SPTBN1: variants seen among roughly 807,000 people sequenced by gnomAD.
The protein encoded by SPTBN1 is spectrin beta, non-erythrocytic 1, also known as spectrin beta chain, non-erythrocytic 1.
A neutral mutation model predicts 266.4 loss-of-function variants in SPTBN1; 32 were observed. That is an observed-to-expected ratio of 0.12 (90% confidence interval 0.09 to 0.16). The LOEUF is 0.16. Ranked by LOEUF, SPTBN1 falls within the 10% of genes least tolerant of loss-of-function variation. The pLI is 1.00. For synonymous variants in SPTBN1, 1,336 were observed against 1,162.2 expected (o/e 1.15, Z -3.04); for missense variants, 2,296 against 3,067.1 (o/e 0.75, Z 5.94).
intron 2 of SPTBN1, among the ~76,000 whole-genome samples, chr2:54,573,220 C>G (rs978240985): frequency 6.6e-6 from 1 of 152,120 alleles, no homozygotes; most frequent in Non-Finnish European, 1.5e-5. Context: ...GTAAAGCGGT[C>G]CCCAGCCTTT....
At chr2:54,469,928 T>C (rs1001864327) in intron 1 of SPTBN1, among the ~76,000 whole-genome samples, 2 of 152,218 alleles carry the variant, frequency 1.3e-5, no homozygotes, top group Non-Finnish European at 2.9e-5. Flanking sequence ...GAGATCTGCC[T>C]GCCATTTCGG....
At position 54,669,416 on chromosome 2, in the gene SPTBN1, T is replaced by C. The variant is rs1044916299; in HGVS notation, c.*847T>C. Reference sequence around the variant, plus strand: ...CTCTAATGGTTACTTGCTCGTGCGTTGCCACACTGTGTTATAATTTGCTTC... The same window carrying C: ...CTCTAATGGTTACTTGCTCGTGCGTCGCCACACTGTGTTATAATTTGCTTC... On this transcript the variant is annotated 3_prime_UTR_variant, in exon 36 of 36. Transcript: ENST00000356805. 1 of 152,698 alleles carries C rather than the reference T, an allele frequency of 6.5e-6. No homozygotes were observed. Among genetic ancestry groups the C allele is most frequent in the Non-Finnish European group, 1.5e-5 (1 of 68,054 alleles). 9.5% of individuals were successfully genotyped at this position (152,698 alleles called of 1,614,324 possible).
At chr2:54,617,491 T>C (rs1677682250) in intron 5 of SPTBN1, 117 bp from the exon 6 acceptor site, 2 of 808,440 alleles carry the variant, frequency 2.5e-6, no homozygotes. Context: ...CTTAGTGATA[T>C]TCACTGCTTT....
chr2:54,599,104 C>T lies in SPTBN1; in HGVS notation c.161C>T (p.Ala54Val). The change falls in exon 3 of 36, where the codon GCC becomes GTC. Residue 54 changes from alanine (A) to valine (V), a missense_variant. Ala to Val is a moderately conservative substitution (Grantham distance 64). Transcript: ENST00000356805. ...RIKALADERE[A>V]VQKKTFTKWV... is the part of the protein sequence containing the mutation. ...TCTCTGCTTGCAGATGAGCGTGAAG[C>T]CGTGCAGAAGAAGACCTTCACCAAG... The T allele has an allele frequency of 6.2e-7, 1 of 1,613,968 alleles. No individual in the cohort carries two copies. The highest frequency in any genetic ancestry group is 8.5e-7 in the Non-Finnish European group (1 of 1,179,946).
At chr2:54,480,484 A>G (rs1267426935) in intron 1 of SPTBN1, among the ~76,000 whole-genome samples, 1 of 152,250 alleles carries the variant, frequency 6.6e-6, no homozygotes, top group East Asian at 1.9e-4. Context: ...CTAAAAATTC[A>G]TTGTTTATCT....
chr2:54,593,054 C>T (rs190382974), intron 2 of SPTBN1, among the ~76,000 whole-genome samples: 1 of 152,312 alleles, frequency 6.6e-6, no homozygotes, highest in East Asian at 1.9e-4. Flanking sequence ...GAGGAAGGAG[C>T]ACCATACTAG....
intron 2 of SPTBN1, among the ~76,000 whole-genome samples, chr2:54,537,323 G>A (rs191930283): frequency 1.6e-4 from 24 of 152,294 alleles, no homozygotes; most frequent in African/African-American, 5.3e-4. Context: ...TCAAATGTCT[G>A]TAAGGTTGGG....
intron 1 of SPTBN1, among the ~76,000 whole-genome samples, chr2:54,475,641 C>T (rs1045969395): frequency 2.6e-5 from 4 of 152,042 alleles, no homozygotes; most frequent in Non-Finnish European, 4.4e-5. Context: ...AGCCACAGAA[C>T]GGCATTCTTA....
chr2:54,524,428 T>A (rs1670674623), intron 1 of SPTBN1, among the ~76,000 whole-genome samples: 1 of 152,050 alleles, frequency 6.6e-6, no homozygotes, highest in Non-Finnish European at 1.5e-5. Flanking sequence ...CTAGCTCAGT[T>A]TCTCAATGTC....
intron 1 of SPTBN1, among the ~76,000 whole-genome samples, chr2:54,479,863 CTT>C (rs11346229): frequency 1.3e-5 from 2 of 148,634 alleles, no homozygotes; most frequent in Admixed American, 6.7e-5. Flanking sequence ...GCAAATTTTG[CTT>C]TTTTTTTTTC....
At chr2:54,603,552 G>C (rs1412895144) in intron 3 of SPTBN1, among the ~76,000 whole-genome samples, 1 of 152,090 alleles carries the variant, frequency 6.6e-6, no homozygotes, top group Admixed American at 6.5e-5. Context: ...TTCCCATGGA[G>C]CCCTTAGGAG....
rs564142134 is a variant in SPTBN1, at chr2:54,669,842, A to G, written c.*1273A>G. Reference sequence around the variant, plus strand: ...AGCTTTGAAAACTACAGCAAACAGTAATAAATGTGACTGTTTTGTAGTTAT... The same window carrying G: ...AGCTTTGAAAACTACAGCAAACAGTGATAAATGTGACTGTTTTGTAGTTAT... On this transcript the variant is annotated 3_prime_UTR_variant, in exon 36 of 36. Transcript: ENST00000356805. 2 of 152,376 alleles carry G rather than the reference A, an allele frequency of 1.3e-5. No individual in the cohort carries two copies. Among genetic ancestry groups the G allele is most frequent in the East Asian group, 1.9e-4 (1 of 5,190 alleles). The allele number at this position is 152,376 out of a possible 1,614,324, so 9.4% of individuals were successfully genotyped here.
At chr2:54,619,309 C>CT (rs1359800216) in intron 7 of SPTBN1, among the ~76,000 whole-genome samples, 1 of 152,200 alleles carries the variant, frequency 6.6e-6, no homozygotes, top group Non-Finnish European at 1.5e-5. Flanking sequence ...AAACAGAAAA[C>CT]TAAAATTCCT....
chr2:54,609,158 A>G (rs772463563), intron 3 of SPTBN1, among the ~76,000 whole-genome samples: 15 of 152,174 alleles, frequency 9.9e-5, no homozygotes, highest in Non-Finnish European at 1.2e-4. Context: ...GAACCCTTGG[A>G]ACAAATTCAA....
intron 16 of SPTBN1, 30 bp downstream of exon 16, chr2:54,631,641 T>G (rs756848739): frequency 6.3e-7 from 1 of 1,589,826 alleles, no homozygotes; most frequent in Non-Finnish European, 8.6e-7. Flanking sequence ...TTGCTTCCTT[T>G]CGGTGAAAGC....
At chr2:54,647,944 G>A (rs1000814057) in intron 24 of SPTBN1, among the ~76,000 whole-genome samples, 4 of 152,206 alleles carry the variant, frequency 2.6e-5, no homozygotes, top group African/African-American at 9.6e-5. Context: ...GTTTAGTAAA[G>A]TAATTACTAG....
chr2:54,505,420 C>T (rs1669501048), intron 1 of SPTBN1, among the ~76,000 whole-genome samples: 1 of 152,166 alleles, frequency 6.6e-6, no homozygotes, highest in Admixed American at 6.5e-5. Flanking sequence ...ACAACAATAA[C>T]AACAACAAAT....
At chr2:54,605,161 A>G (rs769615133) in intron 3 of SPTBN1, among the ~76,000 whole-genome samples, 63 of 152,150 alleles carry the variant, frequency 4.1e-4, no homozygotes, top group Admixed American at 2.6e-4. Flanking sequence ...CATTGTGTTT[A>G]ATTCTCTATT....
rs540165540 is a variant in SPTBN1 at position 54,511,945 on chromosome 2, C to T, written c.-47-14427C>T. ...GTGGGAGCCCTGATCTTGTTTTCCT[C>T]CAATTAGATGGTCCATCGGCAGGGG... On this transcript the variant is annotated intron_variant, in intron 1 of 35. Coordinates refer to ENST00000356805, the MANE Select transcript of SPTBN1 (RefSeq NM_003128.3). Among the ~76,000 whole-genome samples, 12 of 152,310 alleles carry T rather than the reference C, an allele frequency of 7.9e-5. No individual in the cohort carries two copies. In the South Asian group the frequency reaches 2.5e-3, roughly 32 times the overall value.
Sources: allele counts gnomAD v4.1 joint callset (sites outside exome capture counted in the v4.1 genomes callset), GRCh38; gene constraint gnomAD v4.1.1; transcripts MANE v1.5; gene names NCBI Gene and HGNC (gene_info 2026-07-23, HGNC 2026-07-21).